PCBP3: variants seen among roughly 807,000 people sequenced by gnomAD.
The protein encoded by PCBP3 is poly(rC) binding protein 3.
In PCBP3, 25 loss-of-function variants were observed where a neutral mutation model predicts 52.7. The observed-to-expected ratio is 0.47, with a 90% CI of 0.35 to 0.66. The LOEUF (loss-of-function observed/expected upper bound fraction) is 0.66. PCBP3 is among the 30% of genes least tolerant of loss of function. The pLI is 0.01. For synonymous variants in PCBP3, 162 were observed against 183.0 expected, an observed-to-expected ratio of 0.89 and a Z score of 0.93; for missense variants, 391 against 490.3, an observed-to-expected ratio of 0.80 and a Z score of 1.91.
chr21:45,863,676 G>A (rs539876364), intron 5 of PCBP3, among the ~76,000 whole-genome samples: 16 of 152,362 alleles, frequency 1.1e-4, no homozygotes, highest in African/African-American at 3.8e-4. Flanking sequence ...ATCTCATCTT[G>A]TCTAAACGGG....
intron 5 of PCBP3, among the ~76,000 whole-genome samples, chr21:45,856,662 A>G (rs561078141): frequency 1.3e-5 from 2 of 151,424 alleles, no homozygotes; most frequent in African/African-American, 4.9e-5. Flanking sequence ...AAGTTTCCTG[A>G]TGTCAAAGAA....
At chr21:45,816,498 C>CCCT (rs1555953348) in intron 4 of PCBP3, among the ~76,000 whole-genome samples, 2 of 55,224 alleles carry the variant, frequency 3.6e-5, no homozygotes, top group Non-Finnish European at 7.0e-5. Context: ...TCCTCCCCTT[C>CCCT]CCCCTCCCCT....
At chr21:45,913,318 G>A (rs1245969984) in intron 11 of PCBP3, among the ~76,000 whole-genome samples, 2 of 152,260 alleles carry the variant, frequency 1.3e-5, no homozygotes, top group African/African-American at 4.8e-5. Flanking sequence ...ACATAGTGAA[G>A]TGAGATGTTT....
rs56245641 is a variant in PCBP3, at chr21:45,750,395, ACCCCCC to A, written c.-161-5011_-161-5006del. 1.5e-3 allele frequency: 130 copies of A among 87,762 alleles called. 4 individuals are homozygous for A. Among genetic ancestry groups the A allele is most frequent in the Non-Finnish European group, 2.6e-3 (107 of 41,220 alleles). The allele number at this position is 87,762 out of a possible 1,614,324, so 5.4% of individuals were successfully genotyped here. On this transcript the variant is annotated intron_variant, in intron 3 of 17. Coordinates refer to ENST00000681687, the MANE Select transcript of PCBP3 (RefSeq NM_001384156.1). ...AGACTTGGCCACCTGCTGGGAGCAG[ACCCCCC>A]CCCCCCCCCCTTCTTCCTGGACTCC... is the stretch of plus-strand genomic sequence containing the variant.
intron 16 of PCBP3, among the ~76,000 whole-genome samples, chr21:45,939,350 C>G (rs541124292): frequency 7.2e-5 from 11 of 152,358 alleles, no homozygotes; most frequent in African/African-American, 2.2e-4. Context: ...CATGGCTGCC[C>G]CATAGGCCCC....
At chr21:45,886,750 G>A (rs73911033) in intron 5 of PCBP3, among the ~76,000 whole-genome samples, 1 of 152,138 alleles carries the variant, frequency 6.6e-6, no homozygotes, top group Non-Finnish European at 1.5e-5. Context: ...CAGAGGAGGG[G>A]GCTCCCTCAT....
At position 45,802,594 on chromosome 21, in the gene PCBP3, C is replaced by T. The variant is rs928012590; in HGVS notation, c.-126+47142C>T. 8.5e-5 allele frequency among the ~76,000 whole-genome samples: 13 copies of T among 152,132 alleles called. No individual in the cohort carries two copies. Among genetic ancestry groups the T allele is most frequent in the Middle Eastern group, 3.4e-3 (1 of 294 alleles). On this transcript the variant is annotated intron_variant, in intron 4 of 17. Transcript: ENST00000681687. The surrounding 1 kb of genome is among the most constrained non-coding windows in gnomAD (Gnocchi z 5.1). ...GACGTAAGAGATGGGGACAGGCTGA[C>T]GGAGGAGGAGGACCGGGCTGGGGGA...
chr21:45,880,461 T>C lies in PCBP3; in HGVS notation c.11-15747T>C, dbSNP rs1226725965. Among the ~76,000 whole-genome samples the C allele has an allele frequency of 2.0e-5, 3 of 152,154 alleles. No individual in the cohort carries two copies. Among genetic ancestry groups the C allele is most frequent in the Admixed American group, 6.5e-5 (1 of 15,280 alleles). On this transcript the variant is annotated intron_variant, in intron 5 of 17. Coordinates refer to ENST00000681687, the MANE Select transcript of PCBP3 (RefSeq NM_001384156.1). The surrounding 1 kb of genome is among the most constrained non-coding windows in gnomAD (Gnocchi z 5.4). Reference sequence around the variant, plus strand: ...CAGGAGTGGGTGGTGTGGGAGAAAATAGGATTACGGTGCTTCTGAGTATTG... The same window carrying C: ...CAGGAGTGGGTGGTGTGGGAGAAAACAGGATTACGGTGCTTCTGAGTATTG...
intron 2 of PCBP3, among the ~76,000 whole-genome samples, chr21:45,706,123 A>G (rs1196129469): frequency 6.6e-6 from 1 of 152,202 alleles, no homozygotes; most frequent in East Asian, 1.9e-4. Context: ...ATCAAAGGTA[A>G]TGAATTTGAA....
chr21:45,909,225 T>C, intron 9 of PCBP3, 130 bp from the exon 10 acceptor site: 1 of 976,272 alleles, frequency 1.0e-6, no homozygotes, highest in South Asian at 1.6e-5. Flanking sequence ...CTGGCCACTT[T>C]GTCCTCGGCT....
chr21:45,772,829 A>G (rs777305893), intron 4 of PCBP3, among the ~76,000 whole-genome samples: 13 of 151,954 alleles, frequency 8.6e-5, no homozygotes, highest in Non-Finnish European at 1.3e-4. Flanking sequence ...CTGGTGATTA[A>G]TTATGTTGAA....
intron 9 of PCBP3, among the ~76,000 whole-genome samples, chr21:45,903,319 A>T (rs151221753): frequency 1.3e-5 from 2 of 152,256 alleles, no homozygotes; most frequent in Non-Finnish European, 2.9e-5. Flanking sequence ...TAAGTTTTGA[A>T]TGACCTAGGG....
chr21:45,809,639 G>A (rs62214597), intron 4 of PCBP3, among the ~76,000 whole-genome samples: 22,798 of 152,200 alleles, frequency 0.15, 1,906 homozygotes, highest in Middle Eastern at 0.3. Context: ...CCCCCCTGCC[G>A]CTGCCACTAC....
In PCBP3 at chr21:45,817,398, C is replaced by T. The variant is rs2092997426; in HGVS notation, c.-125-32563C>T. Among the ~76,000 whole-genome samples, 1 of 152,208 alleles carries T rather than the reference C, an allele frequency of 6.6e-6. No individual in the cohort carries two copies. Among genetic ancestry groups the T allele is most frequent in the Non-Finnish European group, 1.5e-5 (1 of 68,038 alleles). On this transcript the variant is annotated intron_variant, in intron 4 of 17. Transcript: ENST00000681687. This position sits in a 1 kb window ranked among gnomAD's most constrained non-coding sequence, Gnocchi z 4.3. ...CCCCAGTAGTTCTGTCTCTCTCTGCCATTCCTCATGGAGTCCTTGCGTGCA... is the reference window on the plus strand; with the variant it reads ...CCCCAGTAGTTCTGTCTCTCTCTGCTATTCCTCATGGAGTCCTTGCGTGCA...
At chr21:45,799,398 A>G (rs1315974502) in intron 4 of PCBP3, among the ~76,000 whole-genome samples, 2 of 152,078 alleles carry the variant, frequency 1.3e-5, no homozygotes, top group Non-Finnish European at 2.9e-5. Flanking sequence ...ATATTTACAT[A>G]ACTTTTATTA....
rs2086445395 is a variant in PCBP3, at chr21:45,741,449, A to G, written c.-162+6020A>G. On this transcript the variant is annotated intron_variant, in intron 3 of 17. Coordinates refer to ENST00000681687, the MANE Select transcript of PCBP3 (RefSeq NM_001384156.1). This position sits in a 1 kb window ranked among gnomAD's most constrained non-coding sequence, Gnocchi z 4.5. ...TCAGGAGAGTCAGTGCTCATCTTTT[A>G]TAGCAGGAAGCTAACAGCTGATACA... 6.6e-6 allele frequency among the ~76,000 whole-genome samples: 1 copy of G among 152,142 alleles called. No homozygotes were observed. Among genetic ancestry groups the G allele is most frequent in the Non-Finnish European group, 1.5e-5 (1 of 68,034 alleles).
In PCBP3 at chr21:45,849,867, T is replaced by TGTTGAAGGCAAGAGGCAGTTCC. The variant is rs369054825; in HGVS notation, c.-125-86_-125-65dup. 1,080 of 581,496 alleles carry TGTTGAAGGCAAGAGGCAGTTCC rather than the reference T, an allele frequency of 1.9e-3. 4 individuals are homozygous for TGTTGAAGGCAAGAGGCAGTTCC. Among genetic ancestry groups the TGTTGAAGGCAAGAGGCAGTTCC allele is most frequent in the African/African-American group, 0.017 (926 of 53,382 alleles). The allele number at this position is 581,496 out of a possible 1,614,324, so 36.0% of individuals were successfully genotyped here. A position where few individuals can be genotyped will look rare whatever the true frequency, so the allele number is the denominator to read the frequency against. On this transcript the variant is annotated intron_variant, in intron 4 of 17. Coordinates refer to ENST00000681687, the MANE Select transcript of PCBP3 (RefSeq NM_001384156.1). ...AATGCTGAAGAGGTGTTGACTGCTGTGTTGAAGGCAAGAGGCAGTTCCGTT... is the reference window on the plus strand; with the variant it reads ...AATGCTGAAGAGGTGTTGACTGCTGTGTTGAAGGCAAGAGGCAGTTCCGTTGAAGGCAAGAGGCAGTTCCGTT...
intron 4 of PCBP3, among the ~76,000 whole-genome samples, chr21:45,789,789 G>A (rs986288444): frequency 6.6e-6 from 1 of 152,182 alleles, no homozygotes; most frequent in East Asian, 1.9e-4. Flanking sequence ...GTCTTAAGCA[G>A]GGGAGGGACC....
intron 2 of PCBP3, among the ~76,000 whole-genome samples, chr21:45,691,141 CAA>C (rs1482141946): frequency 6.6e-6 from 1 of 151,710 alleles, no homozygotes; most frequent in Admixed American, 6.6e-5. Context: ...GGCAAGTAAA[CAA>C]AGAGTACAAT....
Sources: allele counts gnomAD v4.1 joint callset (sites outside exome capture counted in the v4.1 genomes callset), GRCh38; gene constraint gnomAD v4.1.1; non-coding constraint Gnocchi (gnomAD v3.1); transcripts MANE v1.5; gene names NCBI Gene and HGNC (gene_info 2026-07-23, HGNC 2026-07-21).